The following ALG2 variants were observed in gnomAD, a reference collection of about 807,000 sequenced individuals.
ALG2 encodes the protein ALG2 alpha-1,3/1,6-mannosyltransferase.
ALG2 carries 32 observed loss-of-function variants against 30.5 expected under a neutral mutation model. The observed-to-expected ratio is 1.05, with a 90% CI of 0.79 to 1.41. ALG2 has a LOEUF of 1.41. ALG2 is among the 40% of genes most tolerant of loss of function. The pLI, the probability that ALG2 is intolerant of heterozygous loss-of-function variation, is 0.00. For synonymous variants in ALG2, 253 were observed against 224.8 expected (o/e 1.13, Z -1.12); for missense variants, 574 against 526.4 (o/e 1.09, Z -0.88).
chr9:99,218,909 C>T, intron 1 of ALG2, 73 bp from the exon 2 acceptor site: 5 of 1,550,058 alleles, frequency 3.2e-6, no homozygotes, highest in Non-Finnish European at 3.5e-6. Flanking sequence ...CACAGACACC[C>T]ACCCCGTCTG....
chr9:99,220,293 G>A (rs1828770567), intron 1 of ALG2, among the ~76,000 whole-genome samples: 1 of 152,202 alleles, frequency 6.6e-6, no homozygotes, highest in Non-Finnish European at 1.5e-5. Flanking sequence ...TGTCCTTTAA[G>A]GAGAATGTTT....
Position 99,217,114 on chromosome 9 carries a change from G to C in ALG2, c.*820C>G. 2.2e-6 allele frequency: 1 copy of C among 454,106 alleles called. No individual in the cohort carries two copies. The highest frequency in any genetic ancestry group is 6.9e-4 in the Middle Eastern group (1 of 1,444). 28.1% of individuals were successfully genotyped at this position (454,106 alleles called of 1,614,324 possible). On this transcript the variant is annotated 3_prime_UTR_variant, in exon 2 of 2. Coordinates refer to ENST00000476832, the MANE Select transcript of ALG2 (RefSeq NM_033087.4). ...GTGGCATTTGAGCCAGGCCTTGGAA[G>C]ATAAAAAACATTTGTGTCCTATACT...
chr9:99,219,184 T>C (rs1358507995), intron 1 of ALG2, among the ~76,000 whole-genome samples: 1 of 152,256 alleles, frequency 6.6e-6, no homozygotes, highest in African/African-American at 2.4e-5. Flanking sequence ...TAACCAATAC[T>C]AAACAGTATT....
At position 99,220,858 on chromosome 9, in the gene ALG2, T is replaced by C; in HGVS notation, c.348+689A>G. The C allele has an allele frequency of 2.5e-5, 26 of 1,058,092 alleles. No individual in the cohort carries two copies. In the Middle Eastern group the frequency reaches 1.0e-3, roughly 41 times the overall value. 65.5% of individuals were successfully genotyped at this position (1,058,092 alleles called of 1,614,324 possible). A position where few individuals can be genotyped will look rare whatever the true frequency, so the allele number is the denominator to read the frequency against. Reference sequence around the variant, plus strand: ...GCTTTTAGGTTACATCCTTCTATACTACTAAATTTTTAATCGAGTAAATGT... The same window carrying C: ...GCTTTTAGGTTACATCCTTCTATACCACTAAATTTTTAATCGAGTAAATGT... On this transcript the variant is annotated intron_variant, in intron 1 of 1. Transcript: ENST00000476832.
rs1381240383 is a variant in ALG2, at chr9:99,218,501, C to A, written c.684G>T (p.Leu228=). The A allele has an allele frequency of 6.2e-7, 1 of 1,614,212 alleles. No individual in the cohort carries two copies. The highest frequency in any genetic ancestry group is 8.5e-7 in the Non-Finnish European group (1 of 1,180,040). ...DLVPKGKKFL[L]LSINRYERKK... ...TCCTTTCGTATCTGTTGATGGAGAG[C>A]AGCAGGAATTTTTTCCCCTTGGGGA... The change falls in exon 2 of 2, where the codon CTG becomes CTT. Residue 228 remains leucine, a synonymous_variant. Coordinates refer to ENST00000476832, the MANE Select transcript of ALG2 (RefSeq NM_033087.4).
In ALG2 at chr9:99,218,217, C is replaced by A. The variant is rs373454393; in HGVS notation, c.968G>T (p.Ser323Ile). 8.7e-6 allele frequency: 14 copies of A among 1,614,086 alleles called. No individual in the cohort carries two copies. The African/African-American group carries it at 1.7e-4, about 20-fold the overall frequency. ...HSCTCVLYTP[S>I]NEHFGIVPLE... ...AGGGACAATGCCAAAGTGCTCATTGCTTGGTGTGTAAAGCACACACGTGCA... is the reference window on the plus strand; with the variant it reads ...AGGGACAATGCCAAAGTGCTCATTGATTGGTGTGTAAAGCACACACGTGCA... Residue 323 changes from serine to isoleucine, a missense_variant, in exon 2 of 2, where the codon AGC becomes ATC. Ser to Ile is a moderately radical substitution (Grantham distance 142). Transcript: ENST00000476832.
In ALG2 at chr9:99,221,907, G is replaced by GC; in HGVS notation, c.-14dup. 1 of 1,577,490 alleles carries GC rather than the reference G, an allele frequency of 6.3e-7. No individual in the cohort carries two copies. The highest frequency in any genetic ancestry group is 8.6e-7 in the Non-Finnish European group (1 of 1,169,020). ...GCTCCTCCGCCATGGCCCTGGAGCC[G>GC]CAACTGCACCCCGCACCCTGATGGG... On this transcript the variant is annotated 5_prime_UTR_variant, in exon 1 of 2. Coordinates refer to ENST00000476832, the MANE Select transcript of ALG2 (RefSeq NM_033087.4).
intron 1 of ALG2, chr9:99,220,882 G>GT: frequency 8.2e-7 from 1 of 1,225,118 alleles, no homozygotes; most frequent in South Asian, 1.3e-5. Context: ...TCGAGTAAAT[G>GT]TTACTTTTTA....
rs1416441497 is a variant in ALG2, at chr9:99,218,650, A to G, written c.535T>C (p.Phe179Leu). 1 of 1,614,160 alleles carries G rather than the reference A, an allele frequency of 6.2e-7. No homozygotes were observed. The highest frequency in any genetic ancestry group is 8.5e-7 in the Non-Finnish European group (1 of 1,180,004). The change falls in exon 2 of 2, where the codon TTC (phenylalanine) becomes CTC (leucine). Residue 179 changes from phenylalanine (F) to leucine (L), a missense_variant. Physicochemically the swap from Phe to Leu is conservative, Grantham distance 22. Transcript: ENST00000476832. ...MADCILVNSQ[F>L]TAAVFKETFK... ...GTTTCCTTAAAAACAGCAGCTGTGA[A>G]CTGGCTGTTGACTAAGATGCAGTCT...
At position 99,221,777 on chromosome 9, in the gene ALG2, G is replaced by A. The variant is rs1828811886; in HGVS notation, c.118C>T (p.Leu40=). ...TTCACGCTACACCCGCGCGCCTGCA[G>A]CGCCAGCGCCGCGTCCAACACCAGC... The part of the protein sequence containing the change: ...ERLVLDAALA[L]QARGCSVKIW... Residue 40 remains leucine, a synonymous_variant, in exon 1 of 2, where the codon CTG becomes TTG. Coordinates refer to ENST00000476832, the MANE Select transcript of ALG2 (RefSeq NM_033087.4). The A allele has an allele frequency of 1.9e-6, 3 of 1,598,372 alleles. No individual in the cohort carries two copies. The highest frequency in any genetic ancestry group is 2.7e-5 in the African/African-American group (2 of 74,900).
rs767584540 is a variant in ALG2, at chr9:99,218,000, C to T, written c.1185G>A (p.Lys395=). 1 of 1,614,182 alleles carries T rather than the reference C, an allele frequency of 6.2e-7. No homozygotes were observed. The highest frequency in any genetic ancestry group is 8.5e-7 in the Non-Finnish European group (1 of 1,180,034). ...TMGLAGRARV[K]EKFSPEAFTE... ...TAAATGCTTCAGGGGAAAATTTTTC[C>T]TTCACTCTGGCTCTTCCAGCCAGGC... Residue 395 remains lysine (K), a synonymous_variant, in exon 2 of 2, where the codon AAG becomes AAA. Coordinates refer to ENST00000476832, the MANE Select transcript of ALG2 (RefSeq NM_033087.4).
rs149278648 is a variant in ALG2, at chr9:99,219,519, A to G, written c.349-683T>C. Among the ~76,000 whole-genome samples, 243 of 152,360 alleles carry G rather than the reference A, an allele frequency of 1.6e-3. 2 individuals carry two copies. The highest frequency in any genetic ancestry group is 5.7e-3 in the African/African-American group (237 of 41,576). On this transcript the variant is annotated intron_variant, in intron 1 of 1. Coordinates refer to ENST00000476832, the MANE Select transcript of ALG2 (RefSeq NM_033087.4). ...CTCTTCTGTAACATGGTGACAAATT[A>G]TAGTTCAAAAAACCCATATACTTTT...
chr9:99,220,761 G>A (rs372392254), intron 1 of ALG2, among the ~76,000 whole-genome samples: 1 of 152,224 alleles, frequency 6.6e-6, no homozygotes, highest in East Asian at 1.9e-4. Flanking sequence ...ACAGGCTGGT[G>A]TCACCACAAC....
At chr9:99,221,400 C>G in intron 1 of ALG2, 147 bp downstream of exon 1, 1 of 995,076 alleles carries the variant, frequency 1.0e-6, no homozygotes. Context: ...TAGAGAACCA[C>G]AGGCTCGCTC....
intron 1 of ALG2, 47 bp downstream of exon 1, chr9:99,221,500 C>G: frequency 6.5e-7 from 1 of 1,529,612 alleles, no homozygotes; most frequent in Non-Finnish European, 8.8e-7. Context: ...CGGCCGCCCT[C>G]CACGGCGAGG....
chr9:99,217,536 C>T lies in ALG2; in HGVS notation c.*398G>A. 1 of 456,162 alleles carries T rather than the reference C, an allele frequency of 2.2e-6. No individual in the cohort carries two copies. The highest frequency in any genetic ancestry group is 4.4e-6 in the Non-Finnish European group (1 of 228,000). 28.3% of individuals were successfully genotyped at this position (456,162 alleles called of 1,614,324 possible). On this transcript the variant is annotated 3_prime_UTR_variant, in exon 2 of 2. Coordinates refer to ENST00000476832, the MANE Select transcript of ALG2 (RefSeq NM_033087.4). ...ATTGAATCTGGGAACTACAATAGCCCTGCTCTCATTATACTATGAAGCCAA... is the reference window on the plus strand; with the variant it reads ...ATTGAATCTGGGAACTACAATAGCCTTGCTCTCATTATACTATGAAGCCAA...
chr9:99,217,357 C>CTGTT lies in ALG2; in HGVS notation c.*573_*576dup. Reference sequence around the variant, plus strand: ...AGATTATGGAGACCAAAATCTAATACTGTTTCTTTTTTATGATAAACACCT... The same window carrying CTGTT: ...AGATTATGGAGACCAAAATCTAATACTGTTTGTTTCTTTTTTATGATAAACACCT... On this transcript the variant is annotated 3_prime_UTR_variant, in exon 2 of 2. Transcript: ENST00000476832. The CTGTT allele has an allele frequency of 4.4e-6, 2 of 454,054 alleles. No homozygotes were observed. The highest frequency in any genetic ancestry group is 8.8e-6 in the Non-Finnish European group (2 of 226,764). The allele number at this position is 454,054 out of a possible 1,614,324, so 28.1% of individuals were successfully genotyped here. A position where few individuals can be genotyped will look rare whatever the true frequency, so the allele number is the denominator to read the frequency against.
chr9:99,218,632 TAAA>T lies in ALG2; in HGVS notation c.550_552del (p.Phe184del). 6.2e-7 allele frequency: 1 copy of T among 1,614,184 alleles called. No homozygotes were observed. The highest frequency in any genetic ancestry group is 8.5e-7 in the Non-Finnish European group (1 of 1,180,040). On this transcript the variant is annotated inframe_deletion, in exon 2 of 2. Transcript: ENST00000476832. ...TGAGACAGGGACTTGAATGTTTCCTTAAAAACAGCAGCTGTGAACTGGCTGTTG... is the reference window on the plus strand; with the variant it reads ...TGAGACAGGGACTTGAATGTTTCCTTAACAGCAGCTGTGAACTGGCTGTTG...
Position 99,217,508 on chromosome 9 carries a change from T to A in ALG2, c.*426A>T, listed in dbSNP as rs963149772. The A allele has an allele frequency of 3.3e-5, 15 of 455,146 alleles. No individual in the cohort carries two copies. Among genetic ancestry groups the A allele is most frequent in the African/African-American group, 2.2e-4 (11 of 50,036 alleles). 28.2% of individuals were successfully genotyped at this position (455,146 alleles called of 1,614,324 possible). The stretch of plus-strand genomic sequence containing the variant: ...TAACAGATGACAGTGAACACTTCGG[T>A]GGATTGAATCTGGGAACTACAATAG... On this transcript the variant is annotated 3_prime_UTR_variant, in exon 2 of 2. Transcript: ENST00000476832.
Sources: gnomAD v4.1 joint callset for allele counts (sites outside exome capture counted in the v4.1 genomes callset) on GRCh38, gnomAD v4.1.1 for gene constraint, MANE v1.5 for transcripts, NCBI Gene and HGNC (gene_info 2026-07-23, HGNC 2026-07-21) for gene names.